ESRP1: variants seen among roughly 807,000 people sequenced by gnomAD.
The protein encoded by ESRP1 is RNA-binding motif protein 35A.
In ESRP1, 33 loss-of-function variants were observed where a neutral mutation model predicts 81.7. That is an observed-to-expected ratio of 0.40 (90% CI 0.31 to 0.54). ESRP1 has a LOEUF of 0.54. Ranked by LOEUF, ESRP1 falls within the 20% of genes least tolerant of loss-of-function variation. The pLI is 0.41. For synonymous variants in ESRP1, 320 were observed against 303.3 expected, an observed-to-expected ratio of 1.06 and a Z score of -0.57; for missense variants, 672 against 833.1, an observed-to-expected ratio of 0.81 and a Z score of 2.38.
chr8:94,670,629 G>A (rs1819268564), intron 10 of ESRP1, among the ~76,000 whole-genome samples: 1 of 152,238 alleles, frequency 6.6e-6, no homozygotes, highest in Admixed American at 6.5e-5. Context: ...AGGACTTCTA[G>A]TATTATGAAC....
At chr8:94,702,969 T>A (rs1809898558) in intron 15 of ESRP1, among the ~76,000 whole-genome samples, 1 of 152,184 alleles carries the variant, frequency 6.6e-6, no homozygotes, top group Admixed American at 6.5e-5. Context: ...GACAGTGTAT[T>A]ACAAAATAAA....
At chr8:94,661,483 C>T (rs1818744489) in intron 4 of ESRP1, among the ~76,000 whole-genome samples, 1 of 152,194 alleles carries the variant, frequency 6.6e-6, no homozygotes, top group African/African-American at 2.4e-5. Context: ...GTGATATTCA[C>T]TTTAATGCAG....
chr8:94,665,244 A>C (rs776921046), intron 9 of ESRP1, 48 bp downstream of exon 9: 1 of 1,578,480 alleles, frequency 6.3e-7, no homozygotes, highest in Non-Finnish European at 8.6e-7. Context: ...GAATCTAAAA[A>C]TTTTGCATAC....
chr8:94,673,381 G>A (rs1819430218), intron 11 of ESRP1, among the ~76,000 whole-genome samples: 1 of 152,152 alleles, frequency 6.6e-6, no homozygotes, highest in South Asian at 2.1e-4. Context: ...GAGGATGTTA[G>A]GTTTCCATCT....
intron 13 of ESRP1, among the ~76,000 whole-genome samples, chr8:94,689,159 G>A (rs142117265): frequency 3.4e-5 from 5 of 148,444 alleles, no homozygotes; most frequent in East Asian, 2.0e-4. Flanking sequence ...GCTGAGGCAC[G>A]AGAATTGCTT....
chr8:94,643,201 G>GCCCT lies in ESRP1; in HGVS notation c.262-101_262-98dup, dbSNP rs1817698425. On this transcript the variant is annotated intron_variant, in intron 2 of 15. Coordinates refer to ENST00000433389, the MANE Select transcript of ESRP1 (RefSeq NM_017697.4). The stretch of plus-strand genomic sequence containing the variant: ...CCCAGCACCGGTGTCACCCATCAGG[G>GCCCT]CCCTTATTGCGGTTTTCTCTGGCTA... 9.6e-6 allele frequency: 7 copies of GCCCT among 727,064 alleles called. No individual in the cohort carries two copies. The Admixed American group carries it at 1.1e-4, about 11-fold the overall frequency. The allele number at this position is 727,064 out of a possible 1,614,324, so 45.0% of individuals were successfully genotyped here.
At chr8:94,649,098 G>A (rs571322520) in intron 4 of ESRP1, among the ~76,000 whole-genome samples, 10 of 152,184 alleles carry the variant, frequency 6.6e-5, no homozygotes, top group Non-Finnish European at 1.5e-4. Flanking sequence ...ACGCACATCT[G>A]TAATCCCAGC....
In ESRP1 at chr8:94,705,903, CTTTT is replaced by C. The variant is rs55760931; in HGVS notation, c.*36-7_*36-4del. 0.25 allele frequency: 340,188 copies of C among 1,349,228 alleles called. 10,230 individuals carry two copies. The highest frequency in any genetic ancestry group is 0.27 in the Non-Finnish European group (275,458 of 1,018,522). 83.6% of individuals were successfully genotyped at this position (1,349,228 alleles called of 1,614,324 possible). On this transcript the variant is annotated intron_variant, in intron 15 of 15. Transcript: ENST00000433389. ...AGACTATAACATTTCCTTTTATTCACTTTTTTTTTTTTTTTTTTCAGTGTTTGAA... is the reference window on the plus strand; with the variant it reads ...AGACTATAACATTTCCTTTTATTCACTTTTTTTTTTTTTTCAGTGTTTGAA...
chr8:94,700,841 A>G (rs1231498426), intron 15 of ESRP1, among the ~76,000 whole-genome samples: 1 of 151,720 alleles, frequency 6.6e-6, no homozygotes, highest in African/African-American at 2.4e-5. Flanking sequence ...GGGCAGGAGA[A>G]TGGCATGAAC....
chr8:94,666,744 C>T (rs1237714311), intron 9 of ESRP1, among the ~76,000 whole-genome samples: 2 of 152,102 alleles, frequency 1.3e-5, no homozygotes, highest in African/African-American at 4.8e-5. Context: ...TTCCAGAGTT[C>T]CCAAGCAATG....
chr8:94,672,813 G>A (rs1406418882), intron 11 of ESRP1, among the ~76,000 whole-genome samples: 2 of 152,244 alleles, frequency 1.3e-5, no homozygotes, highest in Admixed American at 6.5e-5. Context: ...GATTACAGGC[G>A]TAAGCCGCCG....
chr8:94,680,492 A>C (rs1487177238), intron 13 of ESRP1, among the ~76,000 whole-genome samples: 1 of 151,880 alleles, frequency 6.6e-6, no homozygotes, highest in Non-Finnish European at 1.5e-5. Context: ...CAATGGCGTG[A>C]TCTTGTCTCA....
chr8:94,701,008 C>T (rs1040265206), intron 15 of ESRP1, among the ~76,000 whole-genome samples: 7 of 151,062 alleles, frequency 4.6e-5, no homozygotes, highest in Non-Finnish European at 7.4e-5. Flanking sequence ...TGCGGTTGCT[C>T]ATGCCGGTAA....
intron 3 of ESRP1, among the ~76,000 whole-genome samples, chr8:94,644,322 A>AAGG (rs1230755987): frequency 1.8e-4 from 28 of 152,304 alleles, no homozygotes; most frequent in Middle Eastern, 3.4e-3. Context: ...ATATTTAGGT[A>AAGG]CCTGTATAAG....
chr8:94,672,967 G>A (rs1297476799), intron 11 of ESRP1, among the ~76,000 whole-genome samples: 3 of 152,088 alleles, frequency 2.0e-5, no homozygotes, highest in Admixed American at 1.3e-4. Flanking sequence ...CTTTTCACTT[G>A]GAGATTTGGT....
intron 10 of ESRP1, among the ~76,000 whole-genome samples, chr8:94,668,752 T>A (rs1819147257): frequency 6.7e-6 from 1 of 148,680 alleles, no homozygotes; most frequent in South Asian, 2.1e-4. Flanking sequence ...TTTCATACCC[T>A]GCTGGTGAGC....
At chr8:94,669,128 C>T (rs987158471) in intron 10 of ESRP1, among the ~76,000 whole-genome samples, 3 of 152,304 alleles carry the variant, frequency 2.0e-5, no homozygotes. Flanking sequence ...ATCACTTCCT[C>T]AAAATGTACT....
At chr8:94,690,569 T>C (rs1223425706) in intron 13 of ESRP1, among the ~76,000 whole-genome samples, 1 of 152,170 alleles carries the variant, frequency 6.6e-6, no homozygotes, top group Admixed American at 6.6e-5. Context: ...ATCCAAATTG[T>C]GTTGTATTTA....
chr8:94,654,442 A>G (rs1446249169), intron 4 of ESRP1, among the ~76,000 whole-genome samples: 1 of 147,846 alleles, frequency 6.8e-6, no homozygotes, highest in Non-Finnish European at 1.5e-5. Flanking sequence ...TTTATCCCAT[A>G]TAAATGTCTT....
Sources: allele counts gnomAD v4.1 joint callset (sites outside exome capture counted in the v4.1 genomes callset), GRCh38; gene constraint gnomAD v4.1.1; transcripts MANE v1.5; gene names NCBI Gene and HGNC (gene_info 2026-07-23, HGNC 2026-07-21).